The following DOP1A variants were observed in gnomAD, a reference collection of about 807,000 sequenced individuals.
DOP1A encodes protein DOP1A.
In DOP1A, 90 loss-of-function variants were observed where a neutral mutation model predicts 267.6. That is an observed-to-expected ratio of 0.34 (90% confidence interval 0.28 to 0.40). The LOEUF (loss-of-function observed/expected upper bound fraction) is 0.40. Ranked by LOEUF, DOP1A falls within the 10% of genes least tolerant of loss-of-function variation. The pLI, the probability that DOP1A is intolerant of heterozygous loss-of-function variation, is 1.00. For synonymous variants in DOP1A, 932 were observed against 999.1 expected, an observed-to-expected ratio of 0.93 and a Z score of 1.27; for missense variants, 2,437 against 2,900.4, an observed-to-expected ratio of 0.84 and a Z score of 3.67.
chr6:83,075,523 C>A (rs1766931871), intron 1 of DOP1A, among the ~76,000 whole-genome samples: 1 of 152,100 alleles, frequency 6.6e-6, no homozygotes, highest in Non-Finnish European at 1.5e-5. Context: ...AGGTACTTGT[C>A]AGGTCAAGTT....
At chr6:83,107,264 T>C (rs1773782363) in intron 4 of DOP1A, among the ~76,000 whole-genome samples, 1 of 151,956 alleles carries the variant, frequency 6.6e-6, no homozygotes, top group Non-Finnish European at 1.5e-5. Context: ...AGAAAAAAGA[T>C]AATGGATGAA....
At chr6:83,135,055 T>C (rs1012794304) in intron 19 of DOP1A, among the ~76,000 whole-genome samples, 13 of 152,156 alleles carry the variant, frequency 8.5e-5, no homozygotes, top group Admixed American at 3.3e-4. Flanking sequence ...TCATCTCTTA[T>C]TTGACAACCA....
chr6:83,113,428 T>C lies in DOP1A; in HGVS notation c.780+7T>C, dbSNP rs759554004. ...TCCATTCCACATGAGTCAGGTAAAA[T>C]ATTAACGCCGATGTTATTATAAGGC... is the stretch of plus-strand genomic sequence containing the variant. On this transcript the variant is annotated splice_region_variant and intron_variant, in intron 7 of 38. Transcript: ENST00000349129. 1 of 1,608,472 alleles carries C rather than the reference T, an allele frequency of 6.2e-7. No homozygotes were observed. The highest frequency in any genetic ancestry group is 1.3e-5 in the African/African-American group (1 of 74,810).
chr6:83,114,986 CTCTT>C (rs1775181609), intron 7 of DOP1A, among the ~76,000 whole-genome samples: 3 of 152,118 alleles, frequency 2.0e-5, no homozygotes, highest in African/African-American at 2.4e-5. Context: ...TCCACTTTCC[CTCTT>C]TCTATGTCTT....
intron 1 of DOP1A, among the ~76,000 whole-genome samples, chr6:83,076,139 A>G (rs541817357): frequency 1.3e-5 from 2 of 152,352 alleles, no homozygotes; most frequent in African/African-American, 2.4e-5. Context: ...TTACAGTTCA[A>G]TAACAACAAA....
At chr6:83,102,492 C>A (rs1772767919) in intron 4 of DOP1A, among the ~76,000 whole-genome samples, 1 of 152,176 alleles carries the variant, frequency 6.6e-6, no homozygotes, top group African/African-American at 2.4e-5. Context: ...ATGCAATGGG[C>A]AACTTACAGT....
intron 24 of DOP1A, 124 bp from the exon 25 acceptor site, chr6:83,145,400 T>C (rs993757353): frequency 1.3e-5 from 11 of 859,958 alleles, no homozygotes; most frequent in African/African-American, 1.1e-4. Flanking sequence ...CTGGGCAAAA[T>C]AGCAAGACCT....
chr6:83,144,370 G>A (rs2128292229), intron 24 of DOP1A, among the ~76,000 whole-genome samples: 1 of 152,242 alleles, frequency 6.6e-6, no homozygotes, highest in East Asian at 1.9e-4. Context: ...GGAAAAAAGA[G>A]AAGAGAGGGA....
chr6:83,098,574 C>T (rs1582925185), intron 3 of DOP1A, among the ~76,000 whole-genome samples: 1 of 152,062 alleles, frequency 6.6e-6, no homozygotes. Context: ...TTTGCTAGAG[C>T]GGCTCACAGA....
intron 4 of DOP1A, 152 bp downstream of exon 4, chr6:83,101,038 C>T (rs150446242): frequency 5.6e-4 from 259 of 462,194 alleles, no homozygotes; most frequent in African/African-American, 4.9e-3. Flanking sequence ...TTGTTTGAGA[C>T]GGAGTCTTGC....
Position 83,109,088 on chromosome 6 carries a change from C to G in DOP1A, c.491+8C>G. 6.2e-7 allele frequency: 1 copy of G among 1,607,092 alleles called. No individual in the cohort carries two copies. The highest frequency in any genetic ancestry group is 1.1e-5 in the South Asian group (1 of 90,276). Reference sequence around the variant, plus strand: ...ATCAGAGTACTATGAGAGGTAAGATCATATTTGGTGCAGTTATGTAATTGA... The same window carrying G: ...ATCAGAGTACTATGAGAGGTAAGATGATATTTGGTGCAGTTATGTAATTGA... On this transcript the variant is annotated splice_region_variant and intron_variant, in intron 5 of 38. Transcript: ENST00000349129.
chr6:83,132,089 G>A (rs1778143104), intron 17 of DOP1A, 87 bp from the exon 18 acceptor site: 2 of 1,465,146 alleles, frequency 1.4e-6, no homozygotes, highest in African/African-American at 2.8e-5. Flanking sequence ...CTGACAGAGA[G>A]CAGGCATTCA....
In DOP1A at chr6:83,118,937, T is replaced by C; in HGVS notation, c.830T>C (p.Val277Ala). ...IRILSAALHV[V>A]LRRDMSLNRR... ...ATCTTGTCAGCAGCCCTTCATGTAG[T>C]GCTAAGGAGGGATATGTCTCTGAAT... Residue 277 changes from valine (V) to alanine (A), a missense_variant, in exon 8 of 39, where the codon GTG (valine) becomes GCG (alanine). Around this residue, in one of 9 missense-constraint regions of DOP1A, gnomAD observed 251 missense variants for 359.1 expected, o/e 0.70. Transcript: ENST00000349129. The C allele has an allele frequency of 6.2e-7, 1 of 1,613,652 alleles. No homozygotes were observed. Among genetic ancestry groups the C allele is most frequent in the South Asian group, 1.1e-5 (1 of 91,068 alleles).
intron 14 of DOP1A, 77 bp from the exon 15 acceptor site, chr6:83,125,423 C>G (rs1421540017): frequency 6.8e-6 from 9 of 1,316,740 alleles, no homozygotes; most frequent in Non-Finnish European, 9.6e-6. Context: ...AAATCATTGC[C>G]TATTTATATA....
At chr6:83,155,748 C>T (rs890590473) in intron 33 of DOP1A, among the ~76,000 whole-genome samples, 1 of 152,218 alleles carries the variant, frequency 6.6e-6, no homozygotes, top group Non-Finnish European at 1.5e-5. Flanking sequence ...TCCTCTCCAT[C>T]ACAATTCCTA....
intron 1 of DOP1A, among the ~76,000 whole-genome samples, chr6:83,078,454 GA>G (rs1767506294): frequency 6.6e-6 from 1 of 152,132 alleles, no homozygotes; most frequent in South Asian, 2.1e-4. Flanking sequence ...ATAGGTTGTT[GA>G]CATAGTCCAG....
intron 1 of DOP1A, among the ~76,000 whole-genome samples, chr6:83,076,746 A>G (rs975071350): frequency 2.6e-5 from 4 of 152,338 alleles, no homozygotes; most frequent in Admixed American, 1.3e-4. Context: ...ATTACTCTCT[A>G]AATGCAGCAA....
At chr6:83,112,750 A>G (rs1293477774) in intron 6 of DOP1A, among the ~76,000 whole-genome samples, 1 of 152,240 alleles carries the variant, frequency 6.6e-6, no homozygotes, top group Non-Finnish European at 1.5e-5. Flanking sequence ...GGCGTGAGCC[A>G]CCATGCCTAA....
At chr6:83,167,211 G>GT (rs1337399381) in intron 38 of DOP1A, 13 of 914,840 alleles carry the variant, frequency 1.4e-5, no homozygotes, top group East Asian at 1.2e-4. Context: ...CAAGGGTGCC[G>GT]TAAGTATGGC....
Sources: gnomAD v4.1 joint callset for allele counts (sites outside exome capture counted in the v4.1 genomes callset) on GRCh38, gnomAD v4.1.1 for gene constraint, gnomAD v4.1.1 regional missense constraint, MANE v1.5 for transcripts, NCBI Gene and HGNC (gene_info 2026-07-23, HGNC 2026-07-21) for gene names.